STK3: variants seen among roughly 807,000 people sequenced by gnomAD.
STK3 encodes serine/threonine kinase 3, also known as serine/threonine-protein kinase 3.
A neutral mutation model predicts 58.0 loss-of-function variants in STK3; 41 were observed. The ratio of observed to expected loss-of-function variants is 0.71; its 90% CI spans 0.55 to 0.92. The LOEUF (loss-of-function observed/expected upper bound fraction) is 0.92. Among genes scored for constraint, STK3 ranks in the 40% least tolerant of loss-of-function variants. The pLI, the probability that STK3 is intolerant of heterozygous loss-of-function variation, is 0.00. For synonymous variants in STK3, 170 were observed against 191.0 expected, an observed-to-expected ratio of 0.89 and a Z score of 0.91; for missense variants, 479 against 602.7, an observed-to-expected ratio of 0.79 and a Z score of 2.15.
chr8:98,496,747 T>C (rs191997083), intron 10 of STK3, among the ~76,000 whole-genome samples: 179 of 152,248 alleles, frequency 1.2e-3, no homozygotes, highest in African/African-American at 4.2e-3. Context: ...ACTCCATTTA[T>C]ATGAGGTATC....
chr8:98,838,801 A>C (rs1369943768), intron 3 of STK3, among the ~76,000 whole-genome samples: 2 of 152,026 alleles, frequency 1.3e-5, no homozygotes, highest in Non-Finnish European at 2.9e-5. Flanking sequence ...ACTTCTCCAA[A>C]TAACTTCACC....
chr8:98,369,481 A>G (rs1317354737), downstream of STK3, among the ~76,000 whole-genome samples: 2 of 152,106 alleles, frequency 1.3e-5, no homozygotes, highest in African/African-American at 4.8e-5. Flanking sequence ...GGCTGGGCAG[A>G]AGGCTAGGTG....
intron 2 of STK3, among the ~76,000 whole-genome samples, chr8:98,773,921 C>T (rs1258671541): frequency 6.6e-6 from 1 of 151,906 alleles, no homozygotes; most frequent in Non-Finnish European, 1.5e-5. Flanking sequence ...CTCAGCTTCC[C>T]GAATAGCTGG....
intron 3 of STK3, among the ~76,000 whole-genome samples, chr8:98,424,740 TG>T (rs1818209179): frequency 1.3e-5 from 2 of 152,136 alleles, no homozygotes; most frequent in African/African-American, 4.8e-5. Flanking sequence ...CTCAAGTATG[TG>T]TAGAAGGAAG....
chr8:98,703,145 G>A (rs556571614), intron 6 of STK3, among the ~76,000 whole-genome samples: 1 of 152,204 alleles, frequency 6.6e-6, no homozygotes, highest in African/African-American at 2.4e-5. Flanking sequence ...TTTTAAATCA[G>A]TAATTATAAT....
At chr8:98,859,739 T>C (rs1836857935) in intron 3 of STK3, among the ~76,000 whole-genome samples, 1 of 152,174 alleles carries the variant, frequency 6.6e-6, no homozygotes, top group Non-Finnish European at 1.5e-5. Context: ...ATGACCATGC[T>C]TATGTATAAG....
At chr8:98,867,738 C>A (rs146033362) in intron 3 of STK3, among the ~76,000 whole-genome samples, 1 of 152,290 alleles carries the variant, frequency 6.6e-6, no homozygotes, top group Non-Finnish European at 1.5e-5. Flanking sequence ...TTAACCTCTC[C>A]ATGCCCCAGT....
chr8:98,582,198 C>G (rs974984384), intron 7 of STK3, among the ~76,000 whole-genome samples: 2 of 152,082 alleles, frequency 1.3e-5, no homozygotes, highest in African/African-American at 2.4e-5. Flanking sequence ...TCCTCACCCT[C>G]TTTAATTTTT....
At chr8:98,902,647 G>A (rs1463344719) in intron 1 of STK3, among the ~76,000 whole-genome samples, 2 of 152,174 alleles carry the variant, frequency 1.3e-5, no homozygotes, top group African/African-American at 4.8e-5. Flanking sequence ...TAGCTAGCTA[G>A]CTAATCACCC....
chr8:98,475,834 TTCC>T (rs1394603425), intron 10 of STK3, among the ~76,000 whole-genome samples: 2 of 152,218 alleles, frequency 1.3e-5, no homozygotes, highest in African/African-American at 4.8e-5. Flanking sequence ...ATTATGCTAG[TTCC>T]TCCTCTAGAA....
chr8:98,884,950 A>G (rs1182768895), intron 1 of STK3, among the ~76,000 whole-genome samples: 1 of 152,192 alleles, frequency 6.6e-6, no homozygotes. Context: ...TTTTTGCCTA[A>G]AAACTCAAAG....
chr8:98,897,820 A>C (rs532930301), intron 1 of STK3, among the ~76,000 whole-genome samples: 2 of 152,302 alleles, frequency 1.3e-5, no homozygotes, highest in Admixed American at 1.3e-4. Flanking sequence ...TTAAATAAAT[A>C]CATACATAAT....
intron 1 of STK3, among the ~76,000 whole-genome samples, chr8:98,775,837 A>G (rs1831640172): frequency 6.6e-6 from 1 of 152,242 alleles, no homozygotes. Flanking sequence ...TAAATCTGTC[A>G]GCACGGCAGA....
At position 98,650,558 on chromosome 8, in the gene STK3, C is replaced by T. The variant is rs183569774; in HGVS notation, c.685-54389G>A. 3.6e-3 allele frequency among the ~76,000 whole-genome samples: 543 copies of T among 152,368 alleles called. 3 individuals carry two copies. Among genetic ancestry groups the T allele is most frequent in the African/African-American group, 0.012 (516 of 41,590 alleles). ...GAGGTATTGCCTCACTCGGGAAGCG[C>T]AAGGGGTCAGGGAGTCCCTTTCCTA... On this transcript the variant is annotated intron_variant, in intron 6 of 10. Transcript: ENST00000419617.
At chr8:98,400,786 A>AG (rs1425399703), downstream of STK3, among the ~76,000 whole-genome samples, 2 of 151,632 alleles carry the variant, frequency 1.3e-5, no homozygotes, top group East Asian at 3.9e-4. Context: ...TAAAAAAAAA[A>AG]TAGTTTTGTT....
At chr8:98,691,768 C>A (rs1312345752) in intron 6 of STK3, among the ~76,000 whole-genome samples, 1 of 151,912 alleles carries the variant, frequency 6.6e-6, no homozygotes, top group Non-Finnish European at 1.5e-5. Context: ...CCCGTCTCTA[C>A]TAAAAATACA....
chr8:98,361,393 G>A, the STK3 span, among the ~76,000 whole-genome samples: 1 of 152,170 alleles, frequency 6.6e-6, no homozygotes, highest in Non-Finnish European at 1.5e-5. Context: ...CTGGGCTGAT[G>A]GTTTGTAGTT....
intron 6 of STK3, among the ~76,000 whole-genome samples, chr8:98,686,411 A>C (rs114977812): frequency 1.3e-4 from 20 of 152,226 alleles, no homozygotes; most frequent in African/African-American, 4.8e-4. Context: ...AAAATAATTT[A>C]ATATTAATGA....
At chr8:98,402,559 C>T (rs915521511) in intron 3 of STK3, among the ~76,000 whole-genome samples, 6 of 152,196 alleles carry the variant, frequency 3.9e-5, no homozygotes, top group South Asian at 2.1e-4. Flanking sequence ...CCTCTGCCTC[C>T]GTGTCCCCTC....
Sources: allele counts gnomAD v4.1 joint callset (sites outside exome capture counted in the v4.1 genomes callset), GRCh38; gene constraint gnomAD v4.1.1; transcripts MANE v1.5; gene names NCBI Gene and HGNC (gene_info 2026-07-23, HGNC 2026-07-21).